RPGRIP1L: variants seen among roughly 807,000 people sequenced by gnomAD.
The protein encoded by RPGRIP1L is RPGRIP1 like.
RPGRIP1L carries 131 observed loss-of-function variants against 160.4 expected under a neutral mutation model. That is an observed-to-expected ratio of 0.82 (90% CI 0.71 to 0.94). RPGRIP1L has a LOEUF of 0.94. Among genes scored for constraint, RPGRIP1L ranks in the 40% least tolerant of loss-of-function variants. The pLI, the probability that RPGRIP1L is intolerant of heterozygous loss-of-function variation, is 0.00. For synonymous variants in RPGRIP1L, 510 were observed against 515.8 expected (o/e 0.99, Z 0.15); for missense variants, 1,522 against 1,535.8 (o/e 0.99, Z 0.15).
chr16:53,687,064 G>A (rs1293328940), intron 5 of RPGRIP1L, among the ~76,000 whole-genome samples: 1 of 152,050 alleles, frequency 6.6e-6, no homozygotes, highest in Non-Finnish European at 1.5e-5. Flanking sequence ...CGGTATAAAC[G>A]TTGGCTTTTC....
chr16:53,698,863 C>T (rs1367083870), intron 2 of RPGRIP1L, among the ~76,000 whole-genome samples: 1 of 152,052 alleles, frequency 6.6e-6, no homozygotes, highest in Non-Finnish European at 1.5e-5. Context: ...CCCCTCTGCC[C>T]AGCCACCACC....
In RPGRIP1L at chr16:53,605,517, G is replaced by T. The variant is rs762601928; in HGVS notation, c.3799C>A (p.Gln1267Lys). 6.2e-7 allele frequency: 1 copy of T among 1,614,110 alleles called. No homozygotes were observed. The highest frequency in any genetic ancestry group is 1.1e-5 in the South Asian group (1 of 91,072). The change falls in exon 26 of 27, where the codon CAG (glutamine) becomes AAG (lysine). Residue 1267 changes from glutamine to lysine, a missense_variant. By Grantham distance (53) the Gln-to-Lys change is moderately conservative. Transcript: ENST00000647211. Reference sequence around the variant, plus strand: ...TGCTCAATGAGGTCCCTCCCTTCCTGAAACATGTCGGCAAGGTCGACGTGA... The same window carrying T: ...TGCTCAATGAGGTCCCTCCCTTCCTTAAACATGTCGGCAAGGTCGACGTGA... ...VAHVDLADMFQEGRDLIEQNI... is the reference protein window; with the variant it reads ...VAHVDLADMFKEGRDLIEQNI...
chr16:53,685,626 T>C (rs1969946973), intron 6 of RPGRIP1L, among the ~76,000 whole-genome samples: 1 of 152,098 alleles, frequency 6.6e-6, no homozygotes, highest in Admixed American at 6.5e-5. Context: ...ACACTGCGTG[T>C]TCTCACTTTA....
chr16:53,684,334 G>C (rs1969831635), intron 6 of RPGRIP1L, among the ~76,000 whole-genome samples: 1 of 152,108 alleles, frequency 6.6e-6, no homozygotes, highest in Non-Finnish European at 1.5e-5. Context: ...CAAAGACTTG[G>C]AATCAACCCA....
chr16:53,636,598 C>T (rs1483939427), intron 21 of RPGRIP1L, 86 bp from the exon 22 acceptor site: 1 of 904,514 alleles, frequency 1.1e-6, no homozygotes, highest in Non-Finnish European at 1.8e-6. Context: ...CAAGCACACA[C>T]CATAAGATAA....
At chr16:53,699,817 CAAAA>C (rs71146704) in intron 2 of RPGRIP1L, among the ~76,000 whole-genome samples, 22 of 94,624 alleles carry the variant, frequency 2.3e-4, no homozygotes, top group Non-Finnish European at 3.7e-4. Flanking sequence ...GACTTCGTCT[CAAAA>C]AAAAAAAAAA....
intron 25 of RPGRIP1L, among the ~76,000 whole-genome samples, chr16:53,607,115 C>T (rs551983992): frequency 6.7e-6 from 1 of 148,776 alleles, no homozygotes; most frequent in Admixed American, 6.7e-5. Context: ...TTTCCTACTG[C>T]TTAGCTGTGT....
intron 4 of RPGRIP1L, among the ~76,000 whole-genome samples, chr16:53,691,719 T>C (rs536977108): frequency 2.6e-5 from 4 of 152,342 alleles, no homozygotes; most frequent in African/African-American, 7.2e-5. Context: ...ATGTGATCAT[T>C]CATTACAGTA....
chr16:53,634,378 A>C (rs1965701769), intron 22 of RPGRIP1L, among the ~76,000 whole-genome samples: 1 of 152,176 alleles, frequency 6.6e-6, no homozygotes. Context: ...TTTTGTTCCC[A>C]GGCTTTCAGA....
At chr16:53,693,898 T>C (rs752311767) in intron 3 of RPGRIP1L, 2 of 152,146 alleles carry the variant, frequency 1.3e-5, no homozygotes, top group Admixed American at 6.5e-5. Flanking sequence ...GTAGATTACA[T>C]TCAAAAGAAA....
intron 10 of RPGRIP1L, among the ~76,000 whole-genome samples, chr16:53,660,721 C>T (rs968463115): frequency 1.3e-5 from 2 of 151,082 alleles, no homozygotes; most frequent in Non-Finnish European, 3.0e-5. Context: ...TGGTGAACCC[C>T]GTCTCTACTA....
chr16:53,627,787 T>C (rs1965277722), intron 22 of RPGRIP1L, among the ~76,000 whole-genome samples: 1 of 152,202 alleles, frequency 6.6e-6, no homozygotes, highest in Non-Finnish European at 1.5e-5. Flanking sequence ...ATTTTTCAAA[T>C]CCAATTTATT....
intron 2 of RPGRIP1L, among the ~76,000 whole-genome samples, chr16:53,699,318 C>T (rs1316315898): frequency 1.4e-5 from 2 of 147,926 alleles, no homozygotes; most frequent in Non-Finnish European, 3.0e-5. Flanking sequence ...ATCTGCTGAC[C>T]TTCCCTCCAC....
chr16:53,694,269 C>G (rs2151367837), intron 3 of RPGRIP1L: 1 of 151,558 alleles, frequency 6.6e-6, no homozygotes, highest in South Asian at 2.1e-4. Flanking sequence ...GAAACCCCGT[C>G]TCTACTAAAA....
intron 2 of RPGRIP1L, among the ~76,000 whole-genome samples, chr16:53,700,297 G>T (rs912527180): frequency 5.3e-5 from 8 of 152,110 alleles, no homozygotes; most frequent in African/African-American, 1.7e-4. Flanking sequence ...TAAACACAAA[G>T]AAATGTTTTA....
chr16:53,633,035 T>G (rs1009311025), intron 22 of RPGRIP1L, among the ~76,000 whole-genome samples: 10 of 152,180 alleles, frequency 6.6e-5, no homozygotes, highest in African/African-American at 2.4e-4. Flanking sequence ...CGATGGATGC[T>G]AATAAATAAA....
At chr16:53,659,807 G>A (rs772900535) in intron 10 of RPGRIP1L, 1 of 152,236 alleles carries the variant, frequency 6.6e-6, no homozygotes, top group Non-Finnish European at 1.5e-5. Context: ...TTGAGCCTGG[G>A]GAGTTGAGGC....
rs182469126 is a variant in RPGRIP1L, at chr16:53,626,207, T to C, written c.3295-3851A>G. ...AGTCTCAATCAGGTGAATTGGAAGA[T>C]GTCCTAAATAATATACTGATTCAAA... On this transcript the variant is annotated intron_variant, in intron 22 of 26. Transcript: ENST00000647211. 2.5e-3 allele frequency among the ~76,000 whole-genome samples: 354 copies of C among 141,982 alleles called. 1 individual carries two copies. The highest frequency in any genetic ancestry group is 3.3e-3 in the Non-Finnish European group (217 of 65,340). 93.1% of individuals were successfully genotyped at this position (141,982 alleles called of 152,430 possible). A position where few individuals can be genotyped will look rare whatever the true frequency, so the allele number is the denominator to read the frequency against.
rs1049705712 is a variant in RPGRIP1L at position 53,600,772 on chromosome 16, G to A, written c.*1304C>T. 1 of 152,394 alleles carries A rather than the reference G, an allele frequency of 6.6e-6. No individual in the cohort carries two copies. The allele number at this position is 152,394 out of a possible 1,614,324, so 9.4% of individuals were successfully genotyped here. ...TTGAATGTTCACAAATAGGAGCAAA[G>A]AACTCATTTTCCAGAGCTTTAATCA... On this transcript the variant is annotated 3_prime_UTR_variant, in exon 27 of 27. Transcript: ENST00000647211.
Sources: allele counts gnomAD v4.1 joint callset (sites outside exome capture counted in the v4.1 genomes callset), GRCh38; gene constraint gnomAD v4.1.1; transcripts MANE v1.5; gene names NCBI Gene and HGNC (gene_info 2026-07-23, HGNC 2026-07-21).